The following SGCD variants were observed in gnomAD, a reference collection of about 807,000 sequenced individuals.
SGCD encodes the protein sarcoglycan delta, also known as delta-sarcoglycan.
In SGCD, 18 loss-of-function variants were observed where a neutral mutation model predicts 36.6. That is an observed-to-expected ratio of 0.49 (90% CI 0.34 to 0.73). The LOEUF is 0.73. Ranked by LOEUF, SGCD falls within the 30% of genes least tolerant of loss-of-function variation. The probability of loss-of-function intolerance (pLI) is 0.01; values close to 1 mark genes in which losing one functional copy is unlikely to be tolerated. For missense variants in SGCD, 387 were observed against 346.7 expected (o/e 1.12, Z -0.92); for synonymous variants, 133 against 130.6 (o/e 1.02, Z -0.12).
At chr5:156,745,678 A>C (rs960444504) in intron 7 of SGCD, among the ~76,000 whole-genome samples, 1 of 151,994 alleles carries the variant, frequency 6.6e-6, no homozygotes, top group African/African-American at 2.4e-5. Context: ...TACTATGCAT[A>C]AAAAAACACA....
At chr5:156,244,555 C>T (rs536173359) in intron 3 of SGCD, among the ~76,000 whole-genome samples, 11 of 152,204 alleles carry the variant, frequency 7.2e-5, no homozygotes, top group African/African-American at 2.6e-4. Context: ...TGGTTTTACT[C>T]CTAAATGATT....
the SGCD span, among the ~76,000 whole-genome samples, chr5:155,765,285 A>G: frequency 6.6e-6 from 1 of 151,442 alleles, no homozygotes; most frequent in East Asian, 1.9e-4. Context: ...GTCGAAAGAA[A>G]GAAAGAGAAA....
chr5:156,224,639 G>A (rs1197913687), intron 3 of SGCD, among the ~76,000 whole-genome samples: 1 of 152,120 alleles, frequency 6.6e-6, no homozygotes, highest in Non-Finnish European at 1.5e-5. Flanking sequence ...ACTGTGTGTG[G>A]AGGAAAGGTT....
chr5:155,877,299 T>C (rs1188535692), intron 1 of SGCD, among the ~76,000 whole-genome samples: 3 of 152,162 alleles, frequency 2.0e-5, no homozygotes, highest in Non-Finnish European at 4.4e-5. Context: ...GGTCGTCTGA[T>C]AGGGTTTGCC....
At chr5:156,111,373 T>C (rs897144437) in intron 1 of SGCD, among the ~76,000 whole-genome samples, 2 of 152,108 alleles carry the variant, frequency 1.3e-5, no homozygotes, top group Non-Finnish European at 2.9e-5. Flanking sequence ...CTAAGCAATG[T>C]TGAGAATTTG....
chr5:155,822,335 C>T, the SGCD span, among the ~76,000 whole-genome samples: 2 of 152,154 alleles, frequency 1.3e-5, no homozygotes, highest in East Asian at 1.9e-4. Flanking sequence ...ATCAGCTGCA[C>T]GGTAGGGTAC....
At chr5:155,944,600 T>C (rs929374969) in intron 1 of SGCD, among the ~76,000 whole-genome samples, 2 of 152,182 alleles carry the variant, frequency 1.3e-5, no homozygotes, top group Non-Finnish European at 2.9e-5. Flanking sequence ...GTTACAGTCA[T>C]AATAGTTTTA....
intron 1 of SGCD, among the ~76,000 whole-genome samples, chr5:155,891,283 G>T (rs527351055): frequency 1.3e-5 from 2 of 152,278 alleles, no homozygotes; most frequent in South Asian, 4.2e-4. Context: ...CAACCCAAGT[G>T]TGTCTCAAGT....
At chr5:155,742,567 C>G in the SGCD span, among the ~76,000 whole-genome samples, 2 of 152,184 alleles carry the variant, frequency 1.3e-5, no homozygotes, top group African/African-American at 2.4e-5. Context: ...AGGAAAAAAG[C>G]AAATGTTTTT....
chr5:156,607,514 G>T (rs916074386), intron 6 of SGCD, among the ~76,000 whole-genome samples: 45 of 152,056 alleles, frequency 3.0e-4, no homozygotes, highest in African/African-American at 5.1e-4. Flanking sequence ...TCTCTTTTTT[G>T]GTTGTGTCTC....
At chr5:156,313,189 G>C (rs990694737) in intron 3 of SGCD, among the ~76,000 whole-genome samples, 1 of 151,790 alleles carries the variant, frequency 6.6e-6, no homozygotes, top group Admixed American at 6.6e-5. Flanking sequence ...AACAAATAAT[G>C]ATGAGTTAAT....
intron 8 of SGCD, 103 bp from the exon 9 acceptor site, chr5:156,759,114 A>T: frequency 1.1e-6 from 1 of 885,896 alleles, no homozygotes; most frequent in Non-Finnish European, 1.9e-6. Context: ...GTAGGTGCTC[A>T]TTAGATTTCA....
intron 3 of SGCD, among the ~76,000 whole-genome samples, chr5:156,240,395 T>C (rs955130142): frequency 2.0e-5 from 3 of 152,026 alleles, no homozygotes; most frequent in Non-Finnish European, 4.4e-5. Context: ...GCTAACAAAA[T>C]AGAAAAGATC....
intron 1 of SGCD, among the ~76,000 whole-genome samples, chr5:155,978,408 C>G (rs561305794): frequency 1.1e-3 from 168 of 152,326 alleles, no homozygotes; most frequent in African/African-American, 3.8e-3. Context: ...TTTGAAAACA[C>G]CTGGCTTATT....
At chr5:156,601,203 A>T (rs1229145948) in intron 6 of SGCD, among the ~76,000 whole-genome samples, 1 of 152,188 alleles carries the variant, frequency 6.6e-6, no homozygotes, top group Non-Finnish European at 1.5e-5. Context: ...CACCTAAAAA[A>T]TCCTTCCTTA....
rs1388689284 is a variant in SGCD at position 156,337,137 on chromosome 5, T to G, written c.4-7352T>G. Reference sequence around the variant, plus strand: ...AAAGCAAACAGTTTTACCTAAAAACTAATATGGCTAATGGATTTCTATTTC... The same window carrying G: ...AAAGCAAACAGTTTTACCTAAAAACGAATATGGCTAATGGATTTCTATTTC... On this transcript the variant is annotated intron_variant, in intron 2 of 8. Transcript: ENST00000337851. Among the ~76,000 whole-genome samples, 3 of 152,324 alleles carry G rather than the reference T, an allele frequency of 2.0e-5. No individual in the cohort carries two copies. The East Asian group carries it at 5.8e-4, about 29-fold the overall frequency.
chr5:156,579,855 G>A (rs1182618691), intron 4 of SGCD, among the ~76,000 whole-genome samples: 1 of 152,128 alleles, frequency 6.6e-6, no homozygotes. Flanking sequence ...GATGGGTCTT[G>A]ACTCTTTATC....
chr5:156,538,860 T>A (rs986265748), intron 4 of SGCD, among the ~76,000 whole-genome samples: 7 of 152,120 alleles, frequency 4.6e-5, no homozygotes, highest in African/African-American at 1.7e-4. Flanking sequence ...ATTTCTTTGT[T>A]CCAGTATTAA....
At chr5:156,425,737 A>T (rs186168551) in intron 3 of SGCD, among the ~76,000 whole-genome samples, 226 of 152,076 alleles carry the variant, frequency 1.5e-3, no homozygotes, top group African/African-American at 5.2e-3. Flanking sequence ...CCGAGTCCCT[A>T]AAGTCCTTTA....
Sources: allele counts gnomAD v4.1 joint callset (sites outside exome capture counted in the v4.1 genomes callset), GRCh38; gene constraint gnomAD v4.1.1; transcripts MANE v1.5; gene names NCBI Gene and HGNC (gene_info 2026-07-23, HGNC 2026-07-21).